The following CEP89 variants were observed in gnomAD, a reference collection of about 807,000 sequenced individuals.
The protein encoded by CEP89 is centrosomal protein 89, also known as centrosomal protein of 89 kDa.
In CEP89, 95 loss-of-function variants were observed where a neutral mutation model predicts 97.6. That is an observed-to-expected ratio of 0.97 (90% CI 0.82 to 1.15). CEP89 has a LOEUF of 1.15. CEP89 is among the 50% of genes most tolerant of loss of function. The pLI is 0.00. For synonymous variants in CEP89, 354 were observed against 349.1 expected, an observed-to-expected ratio of 1.01 and a Z score of -0.16; for missense variants, 869 against 947.7, an observed-to-expected ratio of 0.92 and a Z score of 1.09.
chr19:32,943,255 C>T (rs895205077), intron 5 of CEP89, among the ~76,000 whole-genome samples: 6 of 152,228 alleles, frequency 3.9e-5, no homozygotes. Flanking sequence ...CTTTAGCCTC[C>T]TAAAGTCCTG....
chr19:32,956,496 C>G (rs1169413786), intron 3 of CEP89, among the ~76,000 whole-genome samples: 1 of 151,894 alleles, frequency 6.6e-6, no homozygotes, highest in Non-Finnish European at 1.5e-5. Context: ...TCCCAAGCAG[C>G]TGGGACTACA....
chr19:32,887,651 G>A lies in CEP89; in HGVS notation c.1965+101C>T, dbSNP rs551425772. On this transcript the variant is annotated intron_variant, in intron 17 of 18. Transcript: ENST00000305768. ...TTTTACTCTGTGGACTATTAGTGAT[G>A]CACATGCAAAAGGTGTCATTTTCTT... 8 of 708,870 alleles carry A rather than the reference G, an allele frequency of 1.1e-5. No homozygotes were observed. The African/African-American group carries it at 1.4e-4, about 12-fold the overall frequency. The allele number at this position is 708,870 out of a possible 1,614,324, so 43.9% of individuals were successfully genotyped here.
intron 6 of CEP89, among the ~76,000 whole-genome samples, chr19:32,938,579 T>G (rs921305753): frequency 6.6e-6 from 1 of 152,218 alleles, no homozygotes; most frequent in African/African-American, 2.4e-5. Flanking sequence ...AATGTTTAAT[T>G]TTTAAGTTCC....
chr19:32,881,167 G>A (rs1004257853), intron 18 of CEP89, among the ~76,000 whole-genome samples: 2 of 152,114 alleles, frequency 1.3e-5, no homozygotes, highest in Non-Finnish European at 2.9e-5. Context: ...TGGGCACAGT[G>A]GCTCATGCTT....
At chr19:32,884,519 A>G (rs1020842616) in intron 17 of CEP89, among the ~76,000 whole-genome samples, 4 of 152,182 alleles carry the variant, frequency 2.6e-5, no homozygotes, top group African/African-American at 9.6e-5. Context: ...ATTTTAAACT[A>G]ATATAGTCTT....
chr19:32,969,687 C>A (rs1253241552), intron 1 of CEP89: 1 of 152,342 alleles, frequency 6.6e-6, no homozygotes, highest in Non-Finnish European at 1.5e-5. Flanking sequence ...CTGGGAGCTC[C>A]CACCCCGCCA....
At chr19:32,962,328 TG>T (rs1204118858) in intron 2 of CEP89, among the ~76,000 whole-genome samples, 1 of 152,234 alleles carries the variant, frequency 6.6e-6, no homozygotes, top group Non-Finnish European at 1.5e-5. Flanking sequence ...CCATGATTGT[TG>T]GTTTCCTGAG....
chr19:32,885,184 T>G (rs569027207), intron 17 of CEP89, among the ~76,000 whole-genome samples: 1 of 152,360 alleles, frequency 6.6e-6, no homozygotes, highest in South Asian at 2.1e-4. Flanking sequence ...CTTGGTTGTA[T>G]TATTACTACA....
intron 16 of CEP89, among the ~76,000 whole-genome samples, chr19:32,894,664 CA>C (rs760979326): frequency 1.3e-5 from 2 of 152,210 alleles, no homozygotes; most frequent in African/African-American, 2.4e-5. Context: ...CATGTTAGAG[CA>C]TGTACATGCT....
chr19:32,930,664 G>A (rs935737127), intron 9 of CEP89, among the ~76,000 whole-genome samples: 9 of 152,048 alleles, frequency 5.9e-5, no homozygotes, highest in African/African-American at 9.7e-5. Flanking sequence ...CCCAAGTTCT[G>A]TAAGAGTAAG....
intron 16 of CEP89, among the ~76,000 whole-genome samples, chr19:32,893,802 G>T (rs7256983): frequency 0.19 from 29,452 of 152,070 alleles, 2,940 homozygotes; most frequent in Non-Finnish European, 0.2. Flanking sequence ...ATTAAGAAGG[G>T]TATCAAAAAT....
chr19:32,929,772 A>C (rs1202386059), intron 9 of CEP89, among the ~76,000 whole-genome samples: 1 of 152,172 alleles, frequency 6.6e-6, no homozygotes, highest in Non-Finnish European at 1.5e-5. Context: ...CCTAGCAAGC[A>C]GGTTTTGAAT....
At chr19:32,895,446 C>G (rs117279111) in intron 16 of CEP89, among the ~76,000 whole-genome samples, 2,795 of 152,170 alleles carry the variant, frequency 0.018, 37 homozygotes, top group Middle Eastern at 0.037. Context: ...ACTTAATAAA[C>G]TAGACATAGA....
Position 32,879,252 on chromosome 19 carries a change from G to A in CEP89, c.2262C>T (p.Ala754=), listed in dbSNP as rs538660487. 5 of 1,614,222 alleles carry A rather than the reference G, an allele frequency of 3.1e-6. No individual in the cohort carries two copies. The highest frequency in any genetic ancestry group is 1.3e-5 in the African/African-American group (1 of 75,062). Residue 754 remains alanine (A), a synonymous_variant, in exon 19 of 19, where the codon GCC becomes GCT. Coordinates refer to ENST00000305768, the MANE Select transcript of CEP89 (RefSeq NM_032816.5). ...GVQDNPRALV[A]PSLNGVSQAD... ...CCTGAGAGACGCCATTGAGGCTGGG[G>A]GCAACCAGAGCTCTGGGGTTGTCCT...
At chr19:32,886,643 C>A (rs1275208171) in intron 17 of CEP89, among the ~76,000 whole-genome samples, 2 of 152,148 alleles carry the variant, frequency 1.3e-5, no homozygotes, top group East Asian at 3.8e-4. Flanking sequence ...TTTTACTATT[C>A]CTGTTCAGAT....
chr19:32,915,582 T>C (rs1325675592), intron 13 of CEP89, 65 bp from the exon 14 acceptor site: 3 of 1,344,208 alleles, frequency 2.2e-6, no homozygotes, highest in Admixed American at 4.4e-5. Context: ...AATTATGGGC[T>C]ATTAGGAAAT....
chr19:32,893,597 A>G lies in CEP89; in HGVS notation c.1876-5756T>C, dbSNP rs73049194. 3.0e-3 allele frequency among the ~76,000 whole-genome samples: 459 copies of G among 152,324 alleles called. 1 individual carries two copies. The highest frequency in any genetic ancestry group is 0.01 in the Middle Eastern group (3 of 294). On this transcript the variant is annotated intron_variant, in intron 16 of 18. Transcript: ENST00000305768. ...TACACATTCTTATCAGATATAGAACATTGTCTAGCATACACTGTGTGTTAC... is the reference window on the plus strand; with the variant it reads ...TACACATTCTTATCAGATATAGAACGTTGTCTAGCATACACTGTGTGTTAC...
At chr19:32,928,112 C>T (rs902857066) in intron 9 of CEP89, among the ~76,000 whole-genome samples, 2 of 151,728 alleles carry the variant, frequency 1.3e-5, no homozygotes, top group African/African-American at 4.8e-5. Context: ...GGCGAGGTTT[C>T]ACCATATTGG....
intron 18 of CEP89, among the ~76,000 whole-genome samples, chr19:32,880,877 G>C (rs1287260457): frequency 6.6e-6 from 1 of 152,086 alleles, no homozygotes. Context: ...CAGATCAAGA[G>C]TGACAGAAAA....
Sources: allele counts gnomAD v4.1 joint callset (sites outside exome capture counted in the v4.1 genomes callset), GRCh38; gene constraint gnomAD v4.1.1; transcripts MANE v1.5; gene names NCBI Gene and HGNC (gene_info 2026-07-23, HGNC 2026-07-21).